The following THADA variants were observed in gnomAD, a reference collection of about 807,000 sequenced individuals.
THADA encodes the protein tRNA (32-2'-O)-methyltransferase regulator THADA.
In THADA, 213 loss-of-function variants were observed where a neutral mutation model predicts 219.8. That is an observed-to-expected ratio of 0.97 (90% CI 0.87 to 1.09). THADA has a LOEUF of 1.09. Ranked by LOEUF, THADA falls within the 50% of genes least tolerant of loss-of-function variation. THADA has a pLI of 0.00. For synonymous variants in THADA, 1,018 were observed against 828.9 expected, an observed-to-expected ratio of 1.23 and a Z score of -3.92; for missense variants, 2,956 against 2,311.3, an observed-to-expected ratio of 1.28 and a Z score of -5.72.
chr2:43,456,815 T>A (rs985601878), intron 26 of THADA, among the ~76,000 whole-genome samples: 4 of 152,142 alleles, frequency 2.6e-5, no homozygotes, highest in Admixed American at 2.0e-4. Context: ...TAGTATAAAT[T>A]ACAATTAAGT....
intron 30 of THADA, among the ~76,000 whole-genome samples, chr2:43,328,582 G>C (rs910123281): frequency 7.2e-5 from 11 of 152,212 alleles, no homozygotes; most frequent in African/African-American, 2.7e-4. Flanking sequence ...GAGAGACCGT[G>C]AGCTGTTAGT....
intron 30 of THADA, among the ~76,000 whole-genome samples, chr2:43,321,007 T>A (rs1021964995): frequency 1.3e-5 from 2 of 152,154 alleles, no homozygotes; most frequent in Admixed American, 6.5e-5. Flanking sequence ...GGACTTGAAA[T>A]AACCAGCTGA....
At chr2:43,397,199 A>G (rs1489922427) in intron 29 of THADA, among the ~76,000 whole-genome samples, 1 of 151,952 alleles carries the variant, frequency 6.6e-6, no homozygotes, top group Non-Finnish European at 1.5e-5. Context: ...TCAGGCTTAT[A>G]ACATGTATTG....
intron 28 of THADA, among the ~76,000 whole-genome samples, chr2:43,404,734 TAAG>T (rs1258002715): frequency 6.6e-6 from 1 of 152,122 alleles, no homozygotes; most frequent in Non-Finnish European, 1.5e-5. Flanking sequence ...GACAGGGACT[TAAG>T]AACATGCTCT....
At chr2:43,296,213 G>C (rs541880463) in intron 31 of THADA, among the ~76,000 whole-genome samples, 2 of 148,804 alleles carry the variant, frequency 1.3e-5, no homozygotes, top group Non-Finnish European at 3.0e-5. Flanking sequence ...CACCGTGCCC[G>C]GCCATACCGC....
chr2:43,448,842 C>T (rs886416780), intron 26 of THADA, among the ~76,000 whole-genome samples: 5 of 152,012 alleles, frequency 3.3e-5, no homozygotes, highest in African/African-American at 1.2e-4. Context: ...GAGGGAGAAC[C>T]TGATTTCCAG....
intron 31 of THADA, among the ~76,000 whole-genome samples, chr2:43,309,992 T>C (rs1677303396): frequency 1.3e-5 from 2 of 152,104 alleles, no homozygotes; most frequent in African/African-American, 4.8e-5. Flanking sequence ...TAGGAACAAA[T>C]TATTTAATGA....
intron 20 of THADA, among the ~76,000 whole-genome samples, chr2:43,543,039 A>C (rs1199608818): frequency 3.1e-5 from 3 of 97,804 alleles, no homozygotes; most frequent in South Asian, 3.7e-4. Context: ...CCCACCCCAC[A>C]ACAGTCCCCA....
chr2:43,589,520 G>C (rs559364162), intron 4 of THADA, among the ~76,000 whole-genome samples: 85 of 152,308 alleles, frequency 5.6e-4, no homozygotes, highest in African/African-American at 1.9e-3. Context: ...CAAGGTTCTA[G>C]AGATCATTGC....
chr2:43,557,061 C>T (rs559448794), intron 16 of THADA, among the ~76,000 whole-genome samples: 2 of 152,104 alleles, frequency 1.3e-5, no homozygotes, highest in Admixed American at 6.5e-5. Context: ...CCAGCCTAGG[C>T]AATAGAGTGA....
Position 43,556,312 on chromosome 2 carries a change from T to A in THADA, c.2674+33A>T, listed in dbSNP as rs201800909. ...CCAAATGAATACTGAGACTAAGCTA[T>A]TCGTTTTGATAAGAGCAAACATCAA... On this transcript the variant is annotated intron_variant, in intron 17 of 37. Transcript: ENST00000405975. The A allele has an allele frequency of 5.6e-6, 9 of 1,607,824 alleles. No homozygotes were observed. In the East Asian group the frequency reaches 1.8e-4, roughly 32 times the overall value.
chr2:43,322,640 A>T (rs1573060961), intron 30 of THADA, among the ~76,000 whole-genome samples: 1 of 136,360 alleles, frequency 7.3e-6, no homozygotes, highest in African/African-American at 2.8e-5. Context: ...CGCTATTACT[A>T]CTTTCTAGCA....
chr2:43,405,659 G>C (rs1255303228), intron 28 of THADA, among the ~76,000 whole-genome samples: 3 of 152,192 alleles, frequency 2.0e-5, no homozygotes, highest in Non-Finnish European at 4.4e-5. Context: ...TCTTGGAAGA[G>C]TAATGAGTTC....
At chr2:43,296,849 G>A (rs541704459) in intron 31 of THADA, among the ~76,000 whole-genome samples, 27 of 149,068 alleles carry the variant, frequency 1.8e-4, no homozygotes, top group South Asian at 1.3e-3. Context: ...ACGGCCGCCC[G>A]GGAGGCAGCG....
intron 29 of THADA, among the ~76,000 whole-genome samples, chr2:43,383,212 A>C (rs543341638): frequency 1.3e-5 from 2 of 152,300 alleles, no homozygotes; most frequent in South Asian, 2.1e-4. Flanking sequence ...GAGATGATTG[A>C]CAGTATCAAA....
chr2:43,456,454 G>C (rs959795194), intron 26 of THADA, among the ~76,000 whole-genome samples: 1 of 152,182 alleles, frequency 6.6e-6, no homozygotes, highest in African/African-American at 2.4e-5. Context: ...TAGAGAAAGA[G>C]CAAAGGTCTA....
In THADA at chr2:43,477,034, G is replaced by A. The variant is rs548533460; in HGVS notation, c.3836+8200C>T. On this transcript the variant is annotated intron_variant, in intron 26 of 37. Transcript: ENST00000405975. ...ATTTTACATTTTTATCTGACAATGTGGGATAATTTACAGTGTATTTAGCTG... is the reference window on the plus strand; with the variant it reads ...ATTTTACATTTTTATCTGACAATGTAGGATAATTTACAGTGTATTTAGCTG... 4.5e-4 allele frequency among the ~76,000 whole-genome samples: 68 copies of A among 152,064 alleles called. 1 individual carries two copies. Among genetic ancestry groups the A allele is most frequent in the South Asian group, 2.1e-4 (1 of 4,822 alleles).
At position 43,410,615 on chromosome 2, in the gene THADA, G is replaced by C. The variant is rs541917663; in HGVS notation, c.4059-12476C>G. On this transcript the variant is annotated intron_variant, in intron 28 of 37. Coordinates refer to ENST00000405975, the MANE Select transcript of THADA (RefSeq NM_022065.5). ...CTGAATCTCAAAATAATTATACTGA[G>C]TGAAAAAGCCAGACAAAATAGAATG... Among the ~76,000 whole-genome samples, 26 of 152,200 alleles carry C rather than the reference G, an allele frequency of 1.7e-4. No homozygotes were observed. In the South Asian group the frequency reaches 5.4e-3, roughly 32 times the overall value.
chr2:43,293,140 A>G lies in THADA; in HGVS notation c.4512T>C (p.Pro1504=). Residue 1504 remains proline (P), a synonymous_variant, in exon 32 of 38, where the codon CCT becomes CCC. Transcript: ENST00000405975. ...ISGSELITGF[P]WAFKVPGLPQ... The stretch of plus-strand genomic sequence containing the variant: ...GCAGGCCTGGCACCTTGAAGGCCCA[A>G]GGGAATCCCGTTATCAGCTCTGATC... The G allele has an allele frequency of 6.2e-7, 1 of 1,614,032 alleles. No individual in the cohort carries two copies. The highest frequency in any genetic ancestry group is 2.2e-5 in the East Asian group (1 of 44,886).
Sources: gnomAD v4.1 joint callset for allele counts (sites outside exome capture counted in the v4.1 genomes callset) on GRCh38, gnomAD v4.1.1 for gene constraint, MANE v1.5 for transcripts, NCBI Gene and HGNC (gene_info 2026-07-23, HGNC 2026-07-21) for gene names.